The following NINL variants were observed in gnomAD, a reference collection of about 807,000 sequenced individuals.
NINL encodes the protein ninein like.
A neutral mutation model predicts 160.3 loss-of-function variants in NINL; 153 were observed. That is an observed-to-expected ratio of 0.95 (90% CI 0.84 to 1.09). NINL has a LOEUF of 1.09. Ranked by LOEUF, NINL falls within the 50% of genes least tolerant of loss-of-function variation. The pLI is 0.00. For synonymous variants in NINL, 800 were observed against 734.8 expected (o/e 1.09, Z -1.43); for missense variants, 1,829 against 1,764.0 (o/e 1.04, Z -0.66).
intron 14 of NINL, among the ~76,000 whole-genome samples, chr20:25,481,203 G>A (rs1010603299): frequency 5.9e-5 from 9 of 152,182 alleles, no homozygotes; most frequent in Non-Finnish European, 1.3e-4. Flanking sequence ...TTCTCTGAGG[G>A]GCTGAGGTTG....
chr20:25,561,379 G>A (rs973255755), intron 1 of NINL, among the ~76,000 whole-genome samples: 5 of 152,148 alleles, frequency 3.3e-5, no homozygotes, highest in African/African-American at 1.2e-4. Flanking sequence ...TGTGATCTCG[G>A]CTACAACCTC....
chr20:25,477,939 T>TTTG (rs2063299400), intron 16 of NINL, among the ~76,000 whole-genome samples: 1 of 151,618 alleles, frequency 6.6e-6, no homozygotes, highest in Non-Finnish European at 1.5e-5. Flanking sequence ...TTTTTTTTTT[T>TTTG]TGAGACGAGT....
intron 1 of NINL, among the ~76,000 whole-genome samples, chr20:25,542,863 T>C (rs953695400): frequency 1.4e-5 from 2 of 146,726 alleles, no homozygotes; most frequent in East Asian, 2.1e-4. Context: ...AAACCCCCCC[T>C]CTCTACTAAA....
At chr20:25,516,518 C>T (rs1006616436) in intron 3 of NINL, among the ~76,000 whole-genome samples, 2 of 152,128 alleles carry the variant, frequency 1.3e-5, no homozygotes, top group Non-Finnish European at 2.9e-5. Context: ...CACCATGCAC[C>T]AAGGAGAAGG....
intron 17 of NINL, among the ~76,000 whole-genome samples, chr20:25,475,602 T>C (rs1262216426): frequency 6.6e-6 from 1 of 152,126 alleles, no homozygotes; most frequent in Non-Finnish European, 1.5e-5. Flanking sequence ...CCGGGCGCAG[T>C]GGCTCACGCC....
chr20:25,490,027 C>A (rs754085628), intron 11 of NINL, 42 bp from the exon 12 acceptor site: 8 of 1,541,100 alleles, frequency 5.2e-6, no homozygotes, highest in Non-Finnish European at 6.3e-6. Flanking sequence ...TCCTGCAGGA[C>A]GGAGGGGATG....
intron 1 of NINL, among the ~76,000 whole-genome samples, chr20:25,528,378 G>A (rs1871720714): frequency 6.6e-6 from 1 of 152,080 alleles, no homozygotes. Flanking sequence ...GGGCAGTGTA[G>A]AAGAATAAAA....
At chr20:25,458,612 CA>C in intron 21 of NINL, 83 bp from the exon 22 acceptor site, 1 of 1,386,218 alleles carries the variant, frequency 7.2e-7, no homozygotes, top group South Asian at 1.5e-5. Flanking sequence ...AGGACACCCC[CA>C]CCTGCAAGGG....
At chr20:25,537,017 GGAGA>G (rs1287663626) in intron 1 of NINL, among the ~76,000 whole-genome samples, 2 of 152,230 alleles carry the variant, frequency 1.3e-5, no homozygotes, top group Non-Finnish European at 2.9e-5. Context: ...TTGCCTCTAA[GGAGA>G]GAGATGGGGA....
chr20:25,517,336 C>T (rs552828069), intron 3 of NINL, among the ~76,000 whole-genome samples: 1 of 152,312 alleles, frequency 6.6e-6, no homozygotes, highest in South Asian at 2.1e-4. Flanking sequence ...ACTACCTCAC[C>T]ACTCCAGGCC....
In NINL at chr20:25,534,859, C is replaced by T. The variant is rs560637397; in HGVS notation, c.-11-8261G>A. ...TATACTTTAAATCACCTCTAGATTA[C>T]GTATAATACCTAAGACAAGGTAAAT... On this transcript the variant is annotated intron_variant, in intron 1 of 23. Coordinates refer to ENST00000278886, the MANE Select transcript of NINL (RefSeq NM_025176.6). 1.4e-4 allele frequency among the ~76,000 whole-genome samples: 21 copies of T among 152,242 alleles called. No individual in the cohort carries two copies. In the East Asian group the frequency reaches 3.1e-3, roughly 22 times the overall value.
chr20:25,569,416 C>G (rs1455730646), intron 1 of NINL, among the ~76,000 whole-genome samples: 1 of 152,086 alleles, frequency 6.6e-6, no homozygotes, highest in African/African-American at 2.4e-5. Flanking sequence ...TTACATTTAC[C>G]TGGGAGCGTC....
intron 1 of NINL, among the ~76,000 whole-genome samples, chr20:25,557,259 G>C (rs138393289): frequency 1.6e-4 from 25 of 152,248 alleles, no homozygotes; most frequent in African/African-American, 5.3e-4. Flanking sequence ...GGTCAGGTGT[G>C]GTGGCTCACA....
chr20:25,462,744 T>TCGG, intron 19 of NINL: 1 of 473,180 alleles, frequency 2.1e-6, no homozygotes, highest in Non-Finnish European at 3.8e-6. Flanking sequence ...AGCCGTGACC[T>TCGG]CCTAGGCTCA....
chr20:25,558,135 C>T (rs2064890803), intron 1 of NINL, among the ~76,000 whole-genome samples: 1 of 152,152 alleles, frequency 6.6e-6, no homozygotes, highest in South Asian at 2.1e-4. Context: ...AGCAAGACTC[C>T]ATCTCAAAAA....
At chr20:25,559,702 G>C (rs2147125823) in intron 1 of NINL, among the ~76,000 whole-genome samples, 1 of 152,154 alleles carries the variant, frequency 6.6e-6, no homozygotes, top group East Asian at 1.9e-4. Flanking sequence ...CTGGGCTCAA[G>C]TGATCCTCCT....
intron 1 of NINL, chr20:25,540,191 A>AAC (rs3036844): frequency 0.98 from 409,651 of 417,266 alleles, 201,418 homozygotes; most frequent in Non-Finnish European, 1. Flanking sequence ...GATAAAAAGC[A>AAC]ACAGTTTCTC....
intron 16 of NINL, among the ~76,000 whole-genome samples, chr20:25,477,940 T>A (rs999939008): frequency 1.1e-4 from 16 of 151,110 alleles, no homozygotes; most frequent in Admixed American, 6.6e-4. Flanking sequence ...TTTTTTTTTT[T>A]GAGACGAGTC....
At chr20:25,526,330 C>T in intron 2 of NINL, 78 bp downstream of exon 2, 1 of 1,278,236 alleles carries the variant, frequency 7.8e-7, no homozygotes, top group Non-Finnish European at 1.1e-6. Flanking sequence ...CCTTATTCAG[C>T]TGATATTTAT....
Sources: allele counts gnomAD v4.1 joint callset (sites outside exome capture counted in the v4.1 genomes callset), GRCh38; gene constraint gnomAD v4.1.1; transcripts MANE v1.5; gene names NCBI Gene and HGNC (gene_info 2026-07-23, HGNC 2026-07-21).